MAGEA11: variants seen among roughly 807,000 people sequenced by gnomAD.
The protein encoded by MAGEA11 is melanoma-associated antigen 11.
MAGEA11 carries 1 observed loss-of-function variant against 8.4 expected under a neutral mutation model. That is an observed-to-expected ratio of 0.12 (90% confidence interval 0.04 to 0.57). The LOEUF is 0.57. MAGEA11 is among the 20% of genes least tolerant of loss of function. The pLI, the probability that MAGEA11 is intolerant of heterozygous loss-of-function variation, is 0.91. For missense variants in MAGEA11, 209 were observed against 317.3 expected (o/e 0.66, Z 2.59); for synonymous variants, 127 against 119.3 (o/e 1.06, Z -0.42).
chrX:149,696,197 C>G (rs1557360525), intron 1 of MAGEA11, among the ~76,000 whole-genome samples: 1 of 110,305 alleles, frequency 9.1e-6, no homozygotes, highest in African/African-American at 3.3e-5. Context: ...CTGGTGACAA[C>G]TGACCCTCAG....
At chrX:149,704,871 T>TG (rs2090369930) in intron 1 of MAGEA11, among the ~76,000 whole-genome samples, 1 of 112,734 alleles carries the variant, frequency 8.9e-6, no homozygotes, top group Non-Finnish European at 1.9e-5. Context: ...AGATACATGG[T>TG]GGGGCAAGTA....
chrX:149,704,146 C>A lies in MAGEA11; in HGVS notation c.10-10335C>A, dbSNP rs143452455. 3.5e-3 allele frequency among the ~76,000 whole-genome samples: 396 copies of A among 112,035 alleles called. 2 individuals are homozygous for A. Among genetic ancestry groups the A allele is most frequent in the African/African-American group, 0.012 (372 of 30,850 alleles). On this transcript the variant is annotated intron_variant, in intron 1 of 3. Coordinates refer to the MAGEA11 transcript ENST00000333104. ...AGCCAAGTGGTGGTGCCAGTGAAAG[C>A]TTGAAACAGAATCCTACCCAATGGC...
chrX:149,715,627 G>A lies in MAGEA11; in HGVS notation c.216G>A (p.Leu72=). Residue 72 remains leucine (L), a synonymous_variant, in exon 4 of 5, where the codon CTG becomes CTA. Transcript: ENST00000355220. ...AGGTTTTTAGAGAACAGGCCAACCTGGAGGACAGGAGTCCCAGGAGAACCC... is the reference window on the plus strand; with the variant it reads ...AGGTTTTTAGAGAACAGGCCAACCTAGAGGACAGGAGTCCCAGGAGAACCC... ...RVQVFREQAN[L]EDRSPRRTQR... 8.3e-7 allele frequency: 1 copy of A among 1,208,990 alleles called. No individual in the cohort carries two copies. Among genetic ancestry groups the A allele is most frequent in the Middle Eastern group, 2.3e-4 (1 of 4,342 alleles).
intron 1 of MAGEA11, among the ~76,000 whole-genome samples, chrX:149,705,428 C>T (rs782646309): frequency 2.7e-5 from 3 of 112,214 alleles, no homozygotes; most frequent in East Asian, 5.6e-4. Flanking sequence ...TTTTGCCTTC[C>T]GCCATCATTG....
intron 1 of MAGEA11, among the ~76,000 whole-genome samples, chrX:149,705,183 G>A (rs1407496908): frequency 8.9e-6 from 1 of 112,415 alleles, no homozygotes; most frequent in East Asian, 2.8e-4. Flanking sequence ...ATATGGTTTG[G>A]CTCTGTGTCC....
Position 149,716,937 on chromosome X carries a change from G to A in MAGEA11, c.*161G>A, listed in dbSNP as rs1293138270. On this transcript the variant is annotated 3_prime_UTR_variant, in exon 5 of 5. Transcript: ENST00000355220. The stretch of plus-strand genomic sequence containing the variant: ...CTCAGTAGTAGAAGGCACAGTGAAT[G>A]GAAGGGAACACATTGTATACTGCCT... 1.3e-5 allele frequency: 6 copies of A among 454,470 alleles called. No individual in the cohort carries two copies. The highest frequency in any genetic ancestry group is 2.2e-5 in the Non-Finnish European group (6 of 270,114). 37.5% of individuals were successfully genotyped at this position (454,470 alleles called of 1,213,427 possible).
chrX:149,713,190 G>T lies in MAGEA11; in HGVS notation c.31G>T (p.Gly11Trp). The change falls in exon 2 of 5, where the codon GGG becomes TGG. Residue 11 changes from glycine to tryptophan, a missense_variant. Physicochemically the swap from Gly to Trp is radical, Grantham distance 184 (BLOSUM62 -2). Transcript: ENST00000355220. ...GACTCAGTTCCGCAGAGGGGGTCTGGGGTGCAGCCCTGCCAGCATCAAGAG... is the reference window on the plus strand; with the variant it reads ...GACTCAGTTCCGCAGAGGGGGTCTGTGGTGCAGCCCTGCCAGCATCAAGAG... METQFRRGGL[G>W]CSPASIKRKK... is the part of the protein sequence containing the mutation. 1 of 1,206,269 alleles carries T rather than the reference G, an allele frequency of 8.3e-7. No individual in the cohort carries two copies.
chrX:149,689,912 C>T (rs2090303226), intron 1 of MAGEA11, among the ~76,000 whole-genome samples: 1 of 112,135 alleles, frequency 8.9e-6, no homozygotes, highest in Non-Finnish European at 1.9e-5. Flanking sequence ...TCTCTATTCT[C>T]AAAATGGGAC....
At chrX:149,713,775 T>TAC in intron 2 of MAGEA11, 1 of 115,947 alleles carries the variant, frequency 8.6e-6, no homozygotes, top group Non-Finnish European at 1.8e-5. Flanking sequence ...AGCAGAGGGA[T>TAC]ACACACCTGG....
chrX:149,689,933 C>T (rs1293934326), intron 1 of MAGEA11, among the ~76,000 whole-genome samples: 3 of 112,034 alleles, frequency 2.7e-5, no homozygotes, highest in Non-Finnish European at 3.8e-5. Flanking sequence ...TGTTTACCCT[C>T]CCTCCCTCCA....
At chrX:149,693,548 T>C (rs2090318603) in intron 1 of MAGEA11, among the ~76,000 whole-genome samples, 1 of 111,990 alleles carries the variant, frequency 8.9e-6, no homozygotes, top group East Asian at 2.8e-4. Context: ...CAATTCTATG[T>C]GTTGTCAGTT....
intron 3 of MAGEA11, 128 bp from the exon 4 acceptor site, chrX:149,715,476 T>C: frequency 2.1e-6 from 1 of 478,487 alleles, no homozygotes; most frequent in Non-Finnish European, 3.7e-6. Flanking sequence ...AATCTACAAA[T>C]GGCCCCACCT....
chrX:149,708,274 C>T (rs1436807259), upstream of MAGEA11, among the ~76,000 whole-genome samples: 1 of 111,292 alleles, frequency 9.0e-6, no homozygotes, highest in African/African-American at 3.3e-5. Flanking sequence ...ATCTTTAATC[C>T]ATGTCGAATT....
intron 2 of MAGEA11, chrX:149,714,053 C>T (rs2090415033): frequency 8.4e-6 from 1 of 119,447 alleles, no homozygotes; most frequent in Admixed American, 8.9e-5. Flanking sequence ...TGGAGCCACA[C>T]CTGATCAGCA....
At position 149,716,300 on chromosome X, in the gene MAGEA11, C is replaced by A. The variant is rs2090426675; in HGVS notation, c.814C>A (p.Gln272Lys). 2.5e-6 allele frequency: 3 copies of A among 1,210,018 alleles called. No individual in the cohort carries two copies. Among genetic ancestry groups the A allele is most frequent in the Non-Finnish European group, 3.4e-6 (3 of 895,051 alleles). ...EIFREASVCM[Q>K]LLFGIDVKEV... ...ATTTAGGGAAGCCTCTGTATGCATG[C>A]AACTGCTCTTTGGCATTGATGTGAA... is the stretch of plus-strand genomic sequence containing the variant. The change falls in exon 5 of 5, where the codon CAA (glutamine) becomes AAA (lysine). Residue 272 changes from glutamine to lysine, a missense_variant. This residue lies in a region of MAGEA11 where 78 missense variants were observed against 178.8 expected (regional missense o/e 0.44). Transcript: ENST00000355220.
At chrX:149,707,755 CTT>C, upstream of MAGEA11, among the ~76,000 whole-genome samples, 1 of 112,098 alleles carries the variant, frequency 8.9e-6, no homozygotes, top group South Asian at 3.8e-4. Flanking sequence ...ACACTCCCAA[CTT>C]TGTTGGTTTC....
At chrX:149,701,439 T>G (rs1557361015) in intron 1 of MAGEA11, among the ~76,000 whole-genome samples, 1 of 110,140 alleles carries the variant, frequency 9.1e-6, no homozygotes, top group East Asian at 2.9e-4. Context: ...TAAATTTGTT[T>G]AAGTTCATTG....
chrX:149,702,863 A>G (rs185360288), intron 1 of MAGEA11, among the ~76,000 whole-genome samples: 62 of 112,167 alleles, frequency 5.5e-4, no homozygotes, highest in African/African-American at 1.9e-3. Flanking sequence ...CCTGGGGACT[A>G]CAATTGATAG....
At chrX:149,704,869 G>A (rs1409267913) in intron 1 of MAGEA11, among the ~76,000 whole-genome samples, 1 of 112,714 alleles carries the variant, frequency 8.9e-6, no homozygotes, top group Non-Finnish European at 1.9e-5. Context: ...CCAGATACAT[G>A]GTGGGGCAAG....
Sources: allele counts gnomAD v4.1 joint callset (sites outside exome capture counted in the v4.1 genomes callset), GRCh38; gene constraint gnomAD v4.1.1; regional missense constraint gnomAD v4.1.1; transcripts MANE v1.5; gene names NCBI Gene and HGNC (gene_info 2026-07-23, HGNC 2026-07-21).